GSX2: variants seen among roughly 807,000 people sequenced by gnomAD.
GSX2 encodes GS homeobox 2.
A neutral mutation model predicts 19.2 loss-of-function variants in GSX2; 16 were observed. That is an observed-to-expected ratio of 0.84 (90% CI 0.57 to 1.27). The LOEUF (loss-of-function observed/expected upper bound fraction) is 1.27. Ranked by LOEUF, GSX2 falls within the 50% of genes most tolerant of loss-of-function variation. The pLI is 0.00. For missense variants in GSX2, 448 were observed against 428.4 expected, an observed-to-expected ratio of 1.05 and a Z score of -0.40; for synonymous variants, 217 against 196.4, an observed-to-expected ratio of 1.10 and a Z score of -0.88.
Position 54,102,375 on chromosome 4 carries a change from G to T in GSX2, c.*453G>T, listed in dbSNP as rs1718190915. 1 of 152,754 alleles carries T rather than the reference G, an allele frequency of 6.5e-6. No homozygotes were observed. The allele number at this position is 152,754 out of a possible 1,614,324, so 9.5% of individuals were successfully genotyped here. ...TAGAAAATTAGACCTTGTAGGTCTT[G>T]CTTTCTGAAATTTCGCCTGGGGAGA... On this transcript the variant is annotated 3_prime_UTR_variant, in exon 2 of 2. Transcript: ENST00000326902.
chr4:54,102,039 G>T lies in GSX2; in HGVS notation c.*117G>T, dbSNP rs1409928068. 3.4e-6 allele frequency: 3 copies of T among 874,868 alleles called. No individual in the cohort carries two copies. The highest frequency in any genetic ancestry group is 2.9e-5 in the Admixed American group (1 of 34,102). 54.2% of individuals were successfully genotyped at this position (874,868 alleles called of 1,614,324 possible). On this transcript the variant is annotated 3_prime_UTR_variant, in exon 2 of 2. Transcript: ENST00000326902. ...CAGTGGTCCCATCTGGAGAAGAAAC[G>T]AACCTGGAAGTTCTGGAATGGACAA...
In GSX2 at chr4:54,100,297, G is replaced by A; in HGVS notation, c.-48G>A. On this transcript the variant is annotated 5_prime_UTR_variant, in exon 1 of 2. Coordinates refer to ENST00000326902, the MANE Select transcript of GSX2 (RefSeq NM_133267.3). ...GCAGAGCTTAGAACACTAGAGGAGAGGGGTCGCCGCGAACTGCCGGGGCTT... is the reference window on the plus strand; with the variant it reads ...GCAGAGCTTAGAACACTAGAGGAGAAGGGTCGCCGCGAACTGCCGGGGCTT... 2 of 1,602,734 alleles carry A rather than the reference G, an allele frequency of 1.2e-6. No homozygotes were observed. Among genetic ancestry groups the A allele is most frequent in the Admixed American group, 1.7e-5 (1 of 59,374 alleles).
At position 54,100,474 on chromosome 4, in the gene GSX2, T is replaced by C. The variant is rs750756097; in HGVS notation, c.130T>C (p.Ser44Pro). ...TGGCATGCCGCCCCCATTGGTGATG[T>C]CCGTGTCCGGCCCCGGCTGCCCGTC... ...PLGMPPPLVM[S>P]VSGPGCPSRK... Residue 44 changes from serine (S) to proline (P), a missense_variant, in exon 1 of 2, where the codon TCC (serine) becomes CCC (proline). Ser to Pro is a moderately conservative substitution (Grantham distance 74). Coordinates refer to ENST00000326902, the MANE Select transcript of GSX2 (RefSeq NM_133267.3). The C allele has an allele frequency of 3.7e-6, 6 of 1,613,804 alleles. No homozygotes were observed. The South Asian group carries it at 6.6e-5, about 18-fold the overall frequency.
Position 54,102,093 on chromosome 4 carries a change from C to CTTGACCTGTT in GSX2, c.*173_*182dup. On this transcript the variant is annotated 3_prime_UTR_variant, in exon 2 of 2. Transcript: ENST00000326902. ...GGGACCTGACCCTTCGCGTCTCCTT[C>CTTGACCTGTT]TTGACCTGTTTATCTAGGACTCCAA... 1 of 603,354 alleles carries CTTGACCTGTT rather than the reference C, an allele frequency of 1.7e-6. No homozygotes were observed. The highest frequency in any genetic ancestry group is 2.9e-6 in the Non-Finnish European group (1 of 344,322). The allele number at this position is 603,354 out of a possible 1,614,324, so 37.4% of individuals were successfully genotyped here.
Position 54,102,309 on chromosome 4 carries a change from G to A in GSX2, c.*387G>A, listed in dbSNP as rs1718190270. ...ACACAGGATTTATTGATTATTTTCTGTTGTCGTTTTCAAACAAAAACACCC... is the reference window on the plus strand; with the variant it reads ...ACACAGGATTTATTGATTATTTTCTATTGTCGTTTTCAAACAAAAACACCC... On this transcript the variant is annotated 3_prime_UTR_variant, in exon 2 of 2. Coordinates refer to ENST00000326902, the MANE Select transcript of GSX2 (RefSeq NM_133267.3). 6.1e-6 allele frequency: 1 copy of A among 163,836 alleles called. No individual in the cohort carries two copies. The highest frequency in any genetic ancestry group is 2.0e-4 in the South Asian group (1 of 4,974). 10.1% of individuals were successfully genotyped at this position (163,836 alleles called of 1,614,324 possible).
At position 54,100,548 on chromosome 4, in the gene GSX2, C is replaced by G. The variant is rs1718146915; in HGVS notation, c.204C>G (p.His68Gln). The G allele has an allele frequency of 1.2e-6, 2 of 1,608,220 alleles. No homozygotes were observed. The highest frequency in any genetic ancestry group is 1.7e-6 in the Non-Finnish European group (2 of 1,178,346). Reference protein sequence around the residue: ...FCVCPLCVTSHLHSSRGSVGA... With the variant: ...FCVCPLCVTSQLHSSRGSVGA... Reference sequence around the variant, plus strand: ...TGTGCCCTCTCTGCGTCACTTCGCACCTGCACTCCTCTCGGGGGTCTGTGG... The same window carrying G: ...TGTGCCCTCTCTGCGTCACTTCGCAGCTGCACTCCTCTCGGGGGTCTGTGG... The change falls in exon 1 of 2, where the codon CAC becomes CAG. Residue 68 changes from histidine to glutamine, a missense_variant. Physicochemically the swap from His to Gln is conservative, Grantham distance 24. Coordinates refer to ENST00000326902, the MANE Select transcript of GSX2 (RefSeq NM_133267.3).
In GSX2 at chr4:54,102,455, A is replaced by C. The variant is rs1268730967; in HGVS notation, c.*533A>C. Reference sequence around the variant, plus strand: ...TTGTATGTGAATAGGTTTATATAAAATTTATATTTATATTTATTTAAATAA... The same window carrying C: ...TTGTATGTGAATAGGTTTATATAAACTTTATATTTATATTTATTTAAATAA... On this transcript the variant is annotated 3_prime_UTR_variant, in exon 2 of 2. Transcript: ENST00000326902. The C allele has an allele frequency of 1.3e-5, 2 of 152,010 alleles. No individual in the cohort carries two copies. Among genetic ancestry groups the C allele is most frequent in the African/African-American group, 4.8e-5 (2 of 41,446 alleles). The allele number at this position is 152,010 out of a possible 1,614,324, so 9.4% of individuals were successfully genotyped here. A position where few individuals can be genotyped will look rare whatever the true frequency, so the allele number is the denominator to read the frequency against.
At position 54,102,368 on chromosome 4, in the gene GSX2, A is replaced by G. The variant is rs550887207; in HGVS notation, c.*446A>G. 2 of 153,378 alleles carry G rather than the reference A, an allele frequency of 1.3e-5. No individual in the cohort carries two copies. The highest frequency in any genetic ancestry group is 1.3e-4 in the Admixed American group (2 of 15,360). The allele number at this position is 153,378 out of a possible 1,614,324, so 9.5% of individuals were successfully genotyped here. ...AATAATTTAGAAAATTAGACCTTGT[A>G]GGTCTTGCTTTCTGAAATTTCGCCT... On this transcript the variant is annotated 3_prime_UTR_variant, in exon 2 of 2. Coordinates refer to ENST00000326902, the MANE Select transcript of GSX2 (RefSeq NM_133267.3).
Position 54,101,628 on chromosome 4 carries a change from G to C in GSX2, c.621G>C (p.Thr207=), listed in dbSNP as rs368607199. ...SQVPNGKRMR[T]AFTSTQLLEL... ...TACCCAATGGCAAGAGGATGAGGACGGCGTTCACTAGCACGCAACTCCTGG... is the reference window on the plus strand; with the variant it reads ...TACCCAATGGCAAGAGGATGAGGACCGCGTTCACTAGCACGCAACTCCTGG... The change falls in exon 2 of 2, where the codon ACG becomes ACC. Residue 207 remains threonine, a synonymous_variant. Transcript: ENST00000326902. The surrounding 1 kb of genome is among the most constrained non-coding windows in gnomAD (Gnocchi z 5.0). 5.0e-6 allele frequency: 8 copies of C among 1,613,896 alleles called. No homozygotes were observed. The highest frequency in any genetic ancestry group is 6.8e-6 in the Non-Finnish European group (8 of 1,179,948).
In GSX2 at chr4:54,101,855, G is replaced by A. The variant is rs755578444; in HGVS notation, c.848G>A (p.Arg283His). 1.2e-6 allele frequency: 2 copies of A among 1,613,998 alleles called. No homozygotes were observed. Among genetic ancestry groups the A allele is most frequent in the Non-Finnish European group, 1.7e-6 (2 of 1,179,982 alleles). ...KCVGSQVHYA[R>H]SEDEDSLSPA... Reference sequence around the variant, plus strand: ...GTCGGGAGCCAGGTGCACTACGCGCGCTCCGAGGATGAGGACTCCCTGTCG... The same window carrying A: ...GTCGGGAGCCAGGTGCACTACGCGCACTCCGAGGATGAGGACTCCCTGTCG... Residue 283 changes from arginine (R) to histidine (H), a missense_variant, in exon 2 of 2, where the codon CGC (arginine) becomes CAC (histidine). Arg to His is a conservative substitution (Grantham distance 29). Coordinates refer to ENST00000326902, the MANE Select transcript of GSX2 (RefSeq NM_133267.3). The surrounding 1 kb of genome is among the most constrained non-coding windows in gnomAD (Gnocchi z 5.0).
Position 54,101,721 on chromosome 4 carries a change from C to T in GSX2, c.714C>T (p.Tyr238=), listed in dbSNP as rs765036029. 8 of 1,614,086 alleles carry T rather than the reference C, an allele frequency of 5.0e-6. No homozygotes were observed. The highest frequency in any genetic ancestry group is 3.3e-5 in the Admixed American group (2 of 60,002). The change falls in exon 2 of 2, where the codon TAC becomes TAT. Residue 238 remains tyrosine (Y), a synonymous_variant. Coordinates refer to ENST00000326902, the MANE Select transcript of GSX2 (RefSeq NM_133267.3). This position sits in a 1 kb window ranked among gnomAD's most constrained non-coding sequence, Gnocchi z 5.0. ...SRLRRIEIAT[Y]LNLSEKQVKI... ...TCCGGAGGATTGAAATCGCCACTTA[C>T]CTGAACCTGTCGGAGAAGCAGGTGA...
rs542754767 is a variant in GSX2, at chr4:54,101,253, C to A, written c.575-329C>A. 2.7e-4 allele frequency among the ~76,000 whole-genome samples: 41 copies of A among 152,264 alleles called. No individual in the cohort carries two copies. Among genetic ancestry groups the A allele is most frequent in the African/African-American group, 7.9e-4 (33 of 41,564 alleles). ...GGGTGTGTTTGAACCTGTGTGGCAT[C>A]CCCGCGTCGGGGCGGCTAAAGCGTC... On this transcript the variant is annotated intron_variant, in intron 1 of 1. Coordinates refer to ENST00000326902, the MANE Select transcript of GSX2 (RefSeq NM_133267.3). This position sits in a 1 kb window ranked among gnomAD's most constrained non-coding sequence, Gnocchi z 5.0.
At position 54,100,362 on chromosome 4, in the gene GSX2, T is replaced by G. The variant is rs557068792; in HGVS notation, c.18T>G (p.Tyr6Ter). ...CTCTCGACATGTCGCGCTCCTTCTATGTCGACTCGCTCATCATCAAGGACA... is the reference window on the plus strand; with the variant it reads ...CTCTCGACATGTCGCGCTCCTTCTAGGTCGACTCGCTCATCATCAAGGACA... MSRSF[Y>*]VDSLIIKDTS... The change falls in exon 1 of 2, where the codon TAT (tyrosine) becomes TAG (stop). Residue 6 changes from tyrosine (Y) to a stop codon, truncating the protein, a stop_gained. Transcript: ENST00000326902. LOFTEE classifies it high-confidence loss of function. 72 of 1,613,798 alleles carry G rather than the reference T, an allele frequency of 4.5e-5. No individual in the cohort carries two copies. In the East Asian group the frequency reaches 1.5e-3, roughly 34 times the overall value.
Position 54,100,240 on chromosome 4 carries a change from G to A in GSX2, c.-105G>A, listed in dbSNP as rs1718132643. 5 of 1,517,686 alleles carry A rather than the reference G, an allele frequency of 3.3e-6. No individual in the cohort carries two copies. The highest frequency in any genetic ancestry group is 4.4e-6 in the Non-Finnish European group (5 of 1,130,714). 94.0% of individuals were successfully genotyped at this position (1,517,686 alleles called of 1,614,324 possible). On this transcript the variant is annotated 5_prime_UTR_variant, in exon 1 of 2. Transcript: ENST00000326902. ...CGCCAACACCTCTGCGTCCCCAAGG[G>A]CTTGACTGCCCGTGTCTGCGCGGCT...
chr4:54,100,857 T>A lies in GSX2; in HGVS notation c.513T>A (p.Pro171=). The A allele has an allele frequency of 6.4e-7, 1 of 1,564,172 alleles. No individual in the cohort carries two copies. The change falls in exon 1 of 2, where the codon CCT becomes CCA. Residue 171 remains proline (P), a synonymous_variant. Coordinates refer to ENST00000326902, the MANE Select transcript of GSX2 (RefSeq NM_133267.3). ...AALGHPQHHA[P]VCTATTYNVA... ...TGGGGCACCCGCAGCACCACGCACC[T>A]GTCTGCACCGCCACCACCTACAACG...
chr4:54,100,485 C>T lies in GSX2; in HGVS notation c.141C>T (p.Gly47=), dbSNP rs1718144164. The T allele has an allele frequency of 6.2e-7, 1 of 1,613,676 alleles. No individual in the cohort carries two copies. The highest frequency in any genetic ancestry group is 1.7e-5 in the Admixed American group (1 of 59,998). The change falls in exon 1 of 2, where the codon GGC becomes GGT. Residue 47 remains glycine (G), a synonymous_variant. Transcript: ENST00000326902. The part of the protein sequence containing the change: ...MPPPLVMSVS[G]PGCPSRKSGA... The stretch of plus-strand genomic sequence containing the variant: ...CCCCATTGGTGATGTCCGTGTCCGG[C>T]CCCGGCTGCCCGTCCCGCAAGAGCG...
rs1718188642 is a variant in GSX2 at position 54,102,200 on chromosome 4, GT to G, written c.*280del. 2.5e-6 allele frequency: 1 copy of G among 405,290 alleles called. No homozygotes were observed. The highest frequency in any genetic ancestry group is 4.4e-6 in the Non-Finnish European group (1 of 226,814). 25.1% of individuals were successfully genotyped at this position (405,290 alleles called of 1,614,324 possible). A position where few individuals can be genotyped will look rare whatever the true frequency, so the allele number is the denominator to read the frequency against. On this transcript the variant is annotated 3_prime_UTR_variant, in exon 2 of 2. Transcript: ENST00000326902. Reference sequence around the variant, plus strand: ...TGTCGTATAACAGAGGAAAAACAGGGTTGGTTTAAGTTTAACACTGTATGGG... The same window carrying G: ...TGTCGTATAACAGAGGAAAAACAGGGTGGTTTAAGTTTAACACTGTATGGG...
Position 54,101,716 on chromosome 4 carries a change from A to G in GSX2, c.709A>G (p.Thr237Ala), listed in dbSNP as rs1019758592. The change falls in exon 2 of 2, where the codon ACT (threonine) becomes GCT (alanine). Residue 237 changes from threonine (T) to alanine (A), a missense_variant. By Grantham distance (58) the Thr-to-Ala change is moderately conservative (BLOSUM62 0). Transcript: ENST00000326902. The surrounding 1 kb of genome is among the most constrained non-coding windows in gnomAD (Gnocchi z 5.0). ...TCGACTCCGGAGGATTGAAATCGCC[A>G]CTTACCTGAACCTGTCGGAGAAGCA... ...LSRLRRIEIA[T>A]YLNLSEKQVK... 2 of 1,614,176 alleles carry G rather than the reference A, an allele frequency of 1.2e-6. No individual in the cohort carries two copies. Among genetic ancestry groups the G allele is most frequent in the Non-Finnish European group, 1.7e-6 (2 of 1,180,028 alleles).
rs1718179369 is a variant in GSX2, at chr4:54,101,755, T to G, written c.748T>G (p.Phe250Val). The change falls in exon 2 of 2, where the codon TTT becomes GTT. Residue 250 changes from phenylalanine to valine, a missense_variant. Physicochemically the swap from Phe to Val is conservative, Grantham distance 50. Coordinates refer to ENST00000326902, the MANE Select transcript of GSX2 (RefSeq NM_133267.3). This position sits in a 1 kb window ranked among gnomAD's most constrained non-coding sequence, Gnocchi z 5.0. The stretch of plus-strand genomic sequence containing the variant: ...GTCGGAGAAGCAGGTGAAAATCTGG[T>G]TTCAGAACCGCCGAGTGAAGCACAA... ...NLSEKQVKIW[F>V]QNRRVKHKKE... 1 of 1,614,030 alleles carries G rather than the reference T, an allele frequency of 6.2e-7. No individual in the cohort carries two copies. The highest frequency in any genetic ancestry group is 8.5e-7 in the Non-Finnish European group (1 of 1,180,036).
Sources: allele counts gnomAD v4.1 joint callset (sites outside exome capture counted in the v4.1 genomes callset), GRCh38; gene constraint gnomAD v4.1.1; non-coding constraint Gnocchi (gnomAD v3.1); transcripts MANE v1.5; gene names NCBI Gene and HGNC (gene_info 2026-07-23, HGNC 2026-07-21).